The following SPRING1 variants were observed in gnomAD, a reference collection of about 807,000 sequenced individuals.
SPRING1 encodes SREBF pathway regulator in golgi 1, also known as SREBP regulating gene protein.
SPRING1 carries 14 observed loss-of-function variants against 24.7 expected under a neutral mutation model. That is an observed-to-expected ratio of 0.57 (90% confidence interval 0.37 to 0.88). The LOEUF (loss-of-function observed/expected upper bound fraction) is 0.88. SPRING1 is among the 40% of genes least tolerant of loss of function. The pLI, the probability that SPRING1 is intolerant of heterozygous loss-of-function variation, is 0.00. For synonymous variants in SPRING1, 93 were observed against 106.1 expected, an observed-to-expected ratio of 0.88 and a Z score of 0.76; for missense variants, 255 against 268.4, an observed-to-expected ratio of 0.95 and a Z score of 0.35.
rs776582753 is a variant in SPRING1, at chr12:116,720,010, A to C, written c.421-134T>G. 16 of 828,116 alleles carry C rather than the reference A, an allele frequency of 1.9e-5. No individual in the cohort carries two copies. Among genetic ancestry groups the C allele is most frequent in the Admixed American group, 7.0e-5 (3 of 43,124 alleles). 51.3% of individuals were successfully genotyped at this position (828,116 alleles called of 1,614,324 possible). Reference sequence around the variant, plus strand: ...AGGAGGAGAAAAGGAGGGAGGGGAAAGGACACACGCGTGCACACACGTGCA... The same window carrying C: ...AGGAGGAGAAAAGGAGGGAGGGGAACGGACACACGCGTGCACACACGTGCA... On this transcript the variant is annotated intron_variant, in intron 3 of 4. Coordinates refer to ENST00000261318, the MANE Select transcript of SPRING1 (RefSeq NM_024738.4). This position sits in a 1 kb window ranked among gnomAD's most constrained non-coding sequence, Gnocchi z 4.0.
rs891448353 is a variant in SPRING1, at chr12:116,714,955, C to T, written c.*2855G>A. On this transcript the variant is annotated 3_prime_UTR_variant, in exon 5 of 5. Coordinates refer to ENST00000261318, the MANE Select transcript of SPRING1 (RefSeq NM_024738.4). ...GACCAATCTTTACAACTCCAGCAAG[C>T]GCAGCAAATAAGATGCAGAACTGGG... is the stretch of plus-strand genomic sequence containing the variant. The T allele has an allele frequency of 6.6e-5, 10 of 152,020 alleles. No homozygotes were observed. Among genetic ancestry groups the T allele is most frequent in the South Asian group, 2.1e-4 (1 of 4,812 alleles). 9.4% of individuals were successfully genotyped at this position (152,020 alleles called of 1,614,324 possible). A position where few individuals can be genotyped will look rare whatever the true frequency, so the allele number is the denominator to read the frequency against.
At position 116,720,257 on chromosome 12, in the gene SPRING1, GA is replaced by G. The variant is rs750271935; in HGVS notation, c.420+38del. 104 of 1,563,128 alleles carry G rather than the reference GA, an allele frequency of 6.7e-5. No homozygotes were observed. In the South Asian group the frequency reaches 1.2e-3, roughly 18 times the overall value. ...GCTCATCATAAAACAGAGGCCGAAA[GA>G]AAAAAGGAGCCGCAGAACCAGGATC... On this transcript the variant is annotated intron_variant, in intron 3 of 4. Transcript: ENST00000261318. The surrounding 1 kb of genome is among the most constrained non-coding windows in gnomAD (Gnocchi z 4.0).
chr12:116,724,973 T>C (rs763384396), intron 1 of SPRING1, among the ~76,000 whole-genome samples: 10 of 152,160 alleles, frequency 6.6e-5, no homozygotes, highest in African/African-American at 2.4e-4. Flanking sequence ...TGCATGCCTA[T>C]AGTGTATTAT....
chr12:116,729,548 A>G lies in SPRING1; in HGVS notation c.112-6325T>C, dbSNP rs186961522. Among the ~76,000 whole-genome samples the G allele has an allele frequency of 1.3e-4, 20 of 152,342 alleles. No individual in the cohort carries two copies. In the East Asian group the frequency reaches 2.7e-3, roughly 21 times the overall value. On this transcript the variant is annotated intron_variant, in intron 1 of 4. Coordinates refer to ENST00000261318, the MANE Select transcript of SPRING1 (RefSeq NM_024738.4). ...AATGTCTGCAACAGCGTTATTCATA[A>G]TAACTAAAAGGTGGAAACAACCCAA...
rs1231712814 is a variant in SPRING1, at chr12:116,722,018, A to G, written c.268+1049T>C. ...CCAACAAGGAGTCCTGTAAGATCACAACCTCATACTGTGTTGCTATTGCCT... is the reference window on the plus strand; with the variant it reads ...CCAACAAGGAGTCCTGTAAGATCACGACCTCATACTGTGTTGCTATTGCCT... On this transcript the variant is annotated intron_variant, in intron 2 of 4. Transcript: ENST00000261318. Among the ~76,000 whole-genome samples, 3 of 152,338 alleles carry G rather than the reference A, an allele frequency of 2.0e-5. No individual in the cohort carries two copies. The East Asian group carries it at 5.8e-4, about 29-fold the overall frequency.
chr12:116,733,586 T>C (rs926168087), intron 1 of SPRING1, among the ~76,000 whole-genome samples: 9 of 152,146 alleles, frequency 5.9e-5, no homozygotes, highest in African/African-American at 2.2e-4. Flanking sequence ...AAAATATTTT[T>C]GTACAGCTTT....
At position 116,725,562 on chromosome 12, in the gene SPRING1, T is replaced by C. The variant is rs184867584; in HGVS notation, c.112-2339A>G. Among the ~76,000 whole-genome samples, 4 of 152,342 alleles carry C rather than the reference T, an allele frequency of 2.6e-5. No homozygotes were observed. The East Asian group carries it at 5.8e-4, about 22-fold the overall frequency. On this transcript the variant is annotated intron_variant, in intron 1 of 4. Coordinates refer to ENST00000261318, the MANE Select transcript of SPRING1 (RefSeq NM_024738.4). ...TTATTAATAACAGAAGGAAATTAAG[T>C]AAAGATTCTGTAGAACTTTCTATTA...
chr12:116,717,848 A>C lies in SPRING1; in HGVS notation c.580T>G (p.Cys194Gly), dbSNP rs1330121842. Residue 194 changes from cysteine (C) to glycine (G), a missense_variant, in exon 5 of 5, where the codon TGC (cysteine) becomes GGC (glycine). By Grantham distance (159) the Cys-to-Gly change is radical. Transcript: ENST00000261318. The surrounding 1 kb of genome is among the most constrained non-coding windows in gnomAD (Gnocchi z 4.2). ...AGCTCGGGCGGGCTTTCTCCATAGC[A>C]ATACTTTGCTATGGGGTCCCGGTAG... ...NTYRDPIAKYCYGESPPELFP... is the reference protein window; with the variant it reads ...NTYRDPIAKYGYGESPPELFP... The C allele has an allele frequency of 1.2e-6, 2 of 1,608,056 alleles. No individual in the cohort carries two copies. The highest frequency in any genetic ancestry group is 1.7e-6 in the Non-Finnish European group (2 of 1,177,452).
At chr12:116,718,325 G>A (rs1386209758) in intron 4 of SPRING1, among the ~76,000 whole-genome samples, 2 of 152,242 alleles carry the variant, frequency 1.3e-5, no homozygotes, top group African/African-American at 4.8e-5. Context: ...CTTTCATAAA[G>A]TTTATGTACC....
rs2137053749 is a variant in SPRING1, at chr12:116,737,981, C to T, written c.-81G>A. 8.3e-7 allele frequency: 1 copy of T among 1,203,540 alleles called. No homozygotes were observed. The highest frequency in any genetic ancestry group is 3.9e-5 in the East Asian group (1 of 25,692). The allele number at this position is 1,203,540 out of a possible 1,614,324, so 74.6% of individuals were successfully genotyped here. The stretch of plus-strand genomic sequence containing the variant: ...CCCGGGCGGCATGGCCCCTACGCGC[C>T]CGGCAGCCCCATCCCTCCAGGCAGG... On this transcript the variant is annotated 5_prime_UTR_variant, in exon 1 of 5. Coordinates refer to ENST00000261318, the MANE Select transcript of SPRING1 (RefSeq NM_024738.4).
At position 116,728,249 on chromosome 12, in the gene SPRING1, A is replaced by C. The variant is rs1026428202; in HGVS notation, c.112-5026T>G. Among the ~76,000 whole-genome samples the C allele has an allele frequency of 3.9e-5, 6 of 152,140 alleles. No individual in the cohort carries two copies. Among genetic ancestry groups the C allele is most frequent in the African/African-American group, 1.4e-4 (6 of 41,434 alleles). On this transcript the variant is annotated intron_variant, in intron 1 of 4. Coordinates refer to ENST00000261318, the MANE Select transcript of SPRING1 (RefSeq NM_024738.4). This position sits in a 1 kb window ranked among gnomAD's most constrained non-coding sequence, Gnocchi z 4.2. ...CTGTTTTGTTTTCTTCATAACATAC[A>C]TCATTATCTGAAATCATTTTGCTTA...
At chr12:116,732,158 G>C (rs1037163296) in intron 1 of SPRING1, among the ~76,000 whole-genome samples, 1 of 152,184 alleles carries the variant, frequency 6.6e-6, no homozygotes, top group Non-Finnish European at 1.5e-5. Context: ...ACTGCAGCTT[G>C]GCTCAGTTAG....
intron 2 of SPRING1, 31 bp downstream of exon 2, chr12:116,723,036 C>A: frequency 3.7e-6 from 6 of 1,611,926 alleles, no homozygotes; most frequent in Non-Finnish European, 5.1e-6. Context: ...ACGCTCCTGA[C>A]CGCCTGGAGA....
At chr12:116,735,416 AC>A (rs1284041707) in intron 1 of SPRING1, among the ~76,000 whole-genome samples, 1 of 152,204 alleles carries the variant, frequency 6.6e-6, no homozygotes, top group Admixed American at 6.6e-5. Flanking sequence ...ATTTAATACC[AC>A]TGAACTGCAC....
In SPRING1 at chr12:116,711,668, A is replaced by G. The variant is rs1869877730; in HGVS notation, c.*6142T>C. The G allele has an allele frequency of 6.6e-6, 1 of 152,212 alleles. No individual in the cohort carries two copies. 9.4% of individuals were successfully genotyped at this position (152,212 alleles called of 1,614,324 possible). A position where few individuals can be genotyped will look rare whatever the true frequency, so the allele number is the denominator to read the frequency against. On this transcript the variant is annotated 3_prime_UTR_variant, in exon 5 of 5. Coordinates refer to ENST00000261318, the MANE Select transcript of SPRING1 (RefSeq NM_024738.4). ...CTCACTCTGTGGCCCAGGTTGGAGC[A>G]CACTGGCGCAATGACGGCTCACTGC...
At chr12:116,722,106 T>C (rs929180305) in intron 2 of SPRING1, among the ~76,000 whole-genome samples, 1 of 152,254 alleles carries the variant, frequency 6.6e-6, no homozygotes, top group African/African-American at 2.4e-5. Context: ...TAATAATGTG[T>C]TACCCCGGCA....
chr12:116,734,352 C>G (rs1871130252), intron 1 of SPRING1, among the ~76,000 whole-genome samples: 2 of 152,164 alleles, frequency 1.3e-5, no homozygotes, highest in South Asian at 4.1e-4. Context: ...AGGGGTGTAG[C>G]AAAATCACCT....
rs767516380 is a variant in SPRING1 at position 116,737,886 on chromosome 12, C to T, written c.15G>A (p.Ala5=). 1 of 1,563,536 alleles carries T rather than the reference C, an allele frequency of 6.4e-7. No homozygotes were observed. Among genetic ancestry groups the T allele is most frequent in the Non-Finnish European group, 8.6e-7 (1 of 1,156,486 alleles). ...GCAGAAGCCGGCGCCACACCATGGCCGCCAGGTTCACCATCCCGGCGCGGA... is the reference window on the plus strand; with the variant it reads ...GCAGAAGCCGGCGCCACACCATGGCTGCCAGGTTCACCATCCCGGCGCGGA... The part of the protein sequence containing the change: MVNL[A]AMVWRRLLRK... The change falls in exon 1 of 5, where the codon GCG becomes GCA. Residue 5 remains alanine, a synonymous_variant. Coordinates refer to ENST00000261318, the MANE Select transcript of SPRING1 (RefSeq NM_024738.4).
intron 1 of SPRING1, among the ~76,000 whole-genome samples, chr12:116,725,659 G>A (rs1248926074): frequency 1.3e-5 from 2 of 152,180 alleles, no homozygotes; most frequent in East Asian, 3.8e-4. Context: ...GCCAAGGCGG[G>A]CGGATCACGA....
Sources: gnomAD v4.1 joint callset for allele counts (sites outside exome capture counted in the v4.1 genomes callset) on GRCh38, gnomAD v4.1.1 for gene constraint, Gnocchi (gnomAD v3.1) non-coding constraint, MANE v1.5 for transcripts, NCBI Gene and HGNC (gene_info 2026-07-23, HGNC 2026-07-21) for gene names.